Variants in ITGA8 observed in about 807,000 individuals in gnomAD.
ITGA8 encodes the protein integrin alpha-8.
Under a neutral mutation model 142.3 loss-of-function variants are expected in ITGA8, and 91 were observed. That is an observed-to-expected ratio of 0.64 (90% confidence interval 0.54 to 0.76). The LOEUF (loss-of-function observed/expected upper bound fraction) is 0.76, where lower values mean the gene tolerates loss of function less well. ITGA8 is among the 30% of genes least tolerant of loss of function. The probability of loss-of-function intolerance (pLI) is 0.00; values close to 1 mark genes in which losing one functional copy is unlikely to be tolerated. For missense variants in ITGA8, 1,406 were observed against 1,327.7 expected, an observed-to-expected ratio of 1.06 and a Z score of -0.92; for synonymous variants, 505 against 485.2, an observed-to-expected ratio of 1.04 and a Z score of -0.54.
chr10:15,548,447 T>C lies in ITGA8; in HGVS notation c.2880+8A>G. On this transcript the variant is annotated splice_region_variant and intron_variant, in intron 27 of 29. Coordinates refer to ENST00000378076, the MANE Select transcript of ITGA8 (RefSeq NM_003638.3). ...CAGTGTGTATGTGCTTCTGTGGTTG[T>C]TTATTACCTGGAGGAAGGTGTGGGC... 1 of 1,597,716 alleles carries C rather than the reference T, an allele frequency of 6.3e-7. No homozygotes were observed. The highest frequency in any genetic ancestry group is 8.6e-7 in the Non-Finnish European group (1 of 1,168,196).
At chr10:15,601,424 G>A (rs962868901) in intron 20 of ITGA8, among the ~76,000 whole-genome samples, 5 of 152,230 alleles carry the variant, frequency 3.3e-5, no homozygotes, top group South Asian at 2.1e-4. Flanking sequence ...GGGAGAGGGA[G>A]CAATGGGGAA....
chr10:15,633,771 G>A (rs1478641969), intron 13 of ITGA8, among the ~76,000 whole-genome samples: 1 of 152,040 alleles, frequency 6.6e-6, no homozygotes, highest in Non-Finnish European at 1.5e-5. Flanking sequence ...GAAATCTGTG[G>A]ATCCCTTTTC....
intron 28 of ITGA8, among the ~76,000 whole-genome samples, chr10:15,521,339 A>T (rs1014280832): frequency 1.3e-5 from 2 of 152,090 alleles, no homozygotes; most frequent in African/African-American, 4.8e-5. Context: ...TGTCTTCTTA[A>T]CTAGAGTTGA....
At chr10:15,525,449 C>T (rs1833154428) in intron 28 of ITGA8, among the ~76,000 whole-genome samples, 1 of 151,814 alleles carries the variant, frequency 6.6e-6, no homozygotes, top group Non-Finnish European at 1.5e-5. Context: ...TCAAGACCAG[C>T]CTGGCCAACA....
chr10:15,566,642 C>A (rs1194139872), intron 25 of ITGA8, among the ~76,000 whole-genome samples: 3 of 151,750 alleles, frequency 2.0e-5, no homozygotes, highest in African/African-American at 7.3e-5. Flanking sequence ...GAAACCGCAT[C>A]TCTACAAATA....
intron 13 of ITGA8, among the ~76,000 whole-genome samples, chr10:15,629,322 G>T (rs1439395358): frequency 6.6e-6 from 1 of 151,942 alleles, no homozygotes; most frequent in Admixed American, 6.5e-5. Flanking sequence ...ACTCTAGGGG[G>T]TTTCTGTTAA....
chr10:15,700,491 T>C (rs1835141872), intron 2 of ITGA8, among the ~76,000 whole-genome samples: 1 of 152,230 alleles, frequency 6.6e-6, no homozygotes, highest in Admixed American at 6.5e-5. Flanking sequence ...ATGAGAGTAT[T>C]GTATGCTATC....
chr10:15,678,487 C>T (rs1834674473), intron 5 of ITGA8, among the ~76,000 whole-genome samples: 4 of 152,082 alleles, frequency 2.6e-5, no homozygotes. Flanking sequence ...TGCTTTTTAT[C>T]ATGTCTATTT....
chr10:15,544,191 A>G (rs1490310784), intron 27 of ITGA8, among the ~76,000 whole-genome samples: 1 of 152,120 alleles, frequency 6.6e-6, no homozygotes, highest in Non-Finnish European at 1.5e-5. Context: ...CCAGCTACTC[A>G]GGAAGCTGAG....
chr10:15,550,427 A>G (rs545532667), intron 26 of ITGA8, among the ~76,000 whole-genome samples: 2 of 152,258 alleles, frequency 1.3e-5, no homozygotes, highest in East Asian at 3.9e-4. Context: ...CATGCTGTGT[A>G]CCACTAACCC....
intron 8 of ITGA8, among the ~76,000 whole-genome samples, chr10:15,662,326 CTT>C (rs200922550): frequency 1.2e-3 from 88 of 72,714 alleles, no homozygotes; most frequent in African/African-American, 4.3e-3. Context: ...TCAGAAGGTC[CTT>C]TTTTTTTTTT....
chr10:15,632,258 C>T (rs1170001254), intron 13 of ITGA8, among the ~76,000 whole-genome samples: 1 of 150,560 alleles, frequency 6.6e-6, no homozygotes, highest in Non-Finnish European at 1.5e-5. Flanking sequence ...ATAGGATTGC[C>T]TCTTCAAAGG....
At chr10:15,592,142 G>A (rs2131596609) in intron 22 of ITGA8, 83 bp downstream of exon 22, 1 of 944,184 alleles carries the variant, frequency 1.1e-6, no homozygotes, top group East Asian at 2.5e-5. Context: ...TTAAGGCCAA[G>A]GGCCTTGACA....
chr10:15,533,201 T>G (rs1357098791), intron 27 of ITGA8, among the ~76,000 whole-genome samples: 1 of 152,210 alleles, frequency 6.6e-6, no homozygotes, highest in East Asian at 1.9e-4. Flanking sequence ...GATAAACGCT[T>G]TTTTCCTCTA....
chr10:15,559,512 T>A (rs1022798240), intron 25 of ITGA8, among the ~76,000 whole-genome samples: 10 of 152,010 alleles, frequency 6.6e-5, no homozygotes, highest in African/African-American at 2.4e-4. Context: ...GGAGATCAGA[T>A]GTAGGAGGTA....
chr10:15,703,863 C>A (rs1835210240), intron 2 of ITGA8, among the ~76,000 whole-genome samples: 1 of 152,062 alleles, frequency 6.6e-6, no homozygotes, highest in Non-Finnish European at 1.5e-5. Flanking sequence ...CAAAAGCCCC[C>A]CATTGATTCA....
At chr10:15,597,417 C>CA (rs1460177200) in intron 20 of ITGA8, 118 bp from the exon 21 acceptor site, 1 of 714,950 alleles carries the variant, frequency 1.4e-6, no homozygotes, top group Non-Finnish European at 2.5e-6. Context: ...GGCGATAGTG[C>CA]AAAAAAAGTA....
Position 15,572,234 on chromosome 10 carries a change from T to G in ITGA8, c.2614A>C (p.Asn872His), listed in dbSNP as rs1330423304. ...ACCTTTATATCCTGTGGATTGATATTAGGATTTGGTTGGCACTGCAGAGGT... is the reference window on the plus strand; with the variant it reads ...ACCTTTATATCCTGTGGATTGATATGAGGATTTGGTTGGCACTGCAGAGGT... ...LGPLQCQPNPNINPQDIKPAA... is the reference protein window; with the variant it reads ...LGPLQCQPNPHINPQDIKPAA... Residue 872 changes from asparagine to histidine, a missense_variant, in exon 25 of 30, where the codon AAT (asparagine) becomes CAT (histidine). Asn to His is a moderately conservative substitution (Grantham distance 68, BLOSUM62 1). Transcript: ENST00000378076. 8.1e-6 allele frequency: 13 copies of G among 1,613,722 alleles called. No individual in the cohort carries two copies. The highest frequency in any genetic ancestry group is 4.0e-5 in the African/African-American group (3 of 74,914).
At chr10:15,604,492 T>C in intron 19 of ITGA8, 137 bp from the exon 20 acceptor site, 1 of 575,930 alleles carries the variant, frequency 1.7e-6, no homozygotes, top group Non-Finnish European at 2.8e-6. Context: ...GAAGAGATGG[T>C]AGGAAGAGGC....
Sources: gnomAD v4.1 joint callset for allele counts (sites outside exome capture counted in the v4.1 genomes callset) on GRCh38, gnomAD v4.1.1 for gene constraint, MANE v1.5 for transcripts, NCBI Gene and HGNC (gene_info 2026-07-23, HGNC 2026-07-21) for gene names.